ANKRD24: variants seen among roughly 807,000 people sequenced by gnomAD.
The protein encoded by ANKRD24 is ankyrin repeat domain-containing protein 24.
Under a neutral mutation model 127.8 loss-of-function variants are expected in ANKRD24, and 109 were observed. The observed-to-expected ratio is 0.85, with a 90% CI of 0.73 to 1.00. The LOEUF (loss-of-function observed/expected upper bound fraction) is 1.00. Ranked by LOEUF, ANKRD24 falls within the 50% of genes least tolerant of loss-of-function variation. The pLI, the probability that ANKRD24 is intolerant of heterozygous loss-of-function variation, is 0.00. For synonymous variants in ANKRD24, 743 were observed against 671.1 expected (o/e 1.11, Z -1.66); for missense variants, 1,648 against 1,570.2 (o/e 1.05, Z -0.84).
chr19:4,221,678 C>G (rs1970450629), intron 19 of ANKRD24, among the ~76,000 whole-genome samples: 1 of 152,204 alleles, frequency 6.6e-6, no homozygotes, highest in Non-Finnish European at 1.5e-5. Flanking sequence ...ATGACCCAGC[C>G]TCGACTCACT....
intron 7 of ANKRD24, among the ~76,000 whole-genome samples, chr19:4,203,491 C>T (rs897212425): frequency 5.9e-5 from 9 of 152,076 alleles, no homozygotes; most frequent in South Asian, 2.1e-4. Context: ...GGACCACAGG[C>T]GTGCACCACC....
At chr19:4,207,103 T>G (rs1324616634) in intron 7 of ANKRD24, 139 bp from the exon 8 acceptor site, 8 of 424,666 alleles carry the variant, frequency 1.9e-5, no homozygotes, top group African/African-American at 5.5e-5. Flanking sequence ...TTTTTTTTTT[T>G]GTAGAGACAG....
At chr19:4,190,523 G>A (rs541076196) in intron 2 of ANKRD24, among the ~76,000 whole-genome samples, 10 of 151,628 alleles carry the variant, frequency 6.6e-5, no homozygotes, top group Non-Finnish European at 1.5e-4. Context: ...TCAGGAGTTC[G>A]AGACCAGCCT....
At chr19:4,197,634 C>G (rs1249443930) in intron 2 of ANKRD24, among the ~76,000 whole-genome samples, 1 of 151,252 alleles carries the variant, frequency 6.6e-6, no homozygotes, top group Non-Finnish European at 1.5e-5. Flanking sequence ...AATGGGTGAA[C>G]GAATGAACGA....
chr19:4,211,638 CATCT>C (rs1219777783), intron 13 of ANKRD24, among the ~76,000 whole-genome samples: 1 of 151,874 alleles, frequency 6.6e-6, no homozygotes, highest in African/African-American at 2.4e-5. Context: ...AGCAAGACTC[CATCT>C]CAACAACAAC....
In ANKRD24 at chr19:4,199,713, T is replaced by C. The variant is rs1968975102; in HGVS notation, c.67T>C (p.Cys23Arg). ...GCTCAGCCCCACTGACCTTGGCTCC[T>C]GCCCGCCCTGCGGCCCCTGCCCCAT... ...LRLSPTDLGS[C>R]PPCGPCPIPK... Residue 23 changes from cysteine to arginine, a missense_variant, in exon 3 of 22, where the codon TGC (cysteine) becomes CGC (arginine). Physicochemically the swap from Cys to Arg is radical, Grantham distance 180 (BLOSUM62 -3). Transcript: ENST00000318934. This position sits in a 1 kb window ranked among gnomAD's most constrained non-coding sequence, Gnocchi z 5.2. The C allele has an allele frequency of 6.5e-7, 1 of 1,538,468 alleles. No individual in the cohort carries two copies.
At position 4,198,480 on chromosome 19, in the gene ANKRD24, G is replaced by C. The variant is rs1568320908; in HGVS notation, c.37-1203G>C. On this transcript the variant is annotated intron_variant, in intron 2 of 21. Transcript: ENST00000318934. The surrounding 1 kb of genome is among the most constrained non-coding windows in gnomAD (Gnocchi z 6.1). ...GAACCCCGTGCGCCCCCCGCGCCCC[G>C]CGCCCCGGACGCCATGAAGCAGCTG... The C allele has an allele frequency of 1.6e-6, 1 of 618,616 alleles. No homozygotes were observed. Among genetic ancestry groups the C allele is most frequent in the South Asian group, 1.7e-5 (1 of 58,518 alleles). The allele number at this position is 618,616 out of a possible 1,614,324, so 38.3% of individuals were successfully genotyped here. A position where few individuals can be genotyped will look rare whatever the true frequency, so the allele number is the denominator to read the frequency against.
intron 7 of ANKRD24, among the ~76,000 whole-genome samples, chr19:4,203,600 C>T (rs1191635728): frequency 3.3e-5 from 5 of 151,102 alleles, no homozygotes; most frequent in Admixed American, 6.6e-5. Context: ...CCTCCCACCT[C>T]GGCCACTCAA....
At chr19:4,223,385 ATATATATATATATATATT>A (rs1264683728) in intron 20 of ANKRD24, among the ~76,000 whole-genome samples, 6 of 78,294 alleles carry the variant, frequency 7.7e-5, no homozygotes, top group Admixed American at 2.7e-4. Flanking sequence ...ATATATATAT[ATATATATATATATATATT>A]TTTTTTTTTT....
chr19:4,208,053 G>T, intron 10 of ANKRD24, 85 bp downstream of exon 10: 1 of 1,344,476 alleles, frequency 7.4e-7, no homozygotes, highest in Non-Finnish European at 9.8e-7. Context: ...TAGTTTCAAG[G>T]TACCCCCGAT....
At chr19:4,185,582 G>A (rs1382288387) in intron 1 of ANKRD24, among the ~76,000 whole-genome samples, 4 of 152,306 alleles carry the variant, frequency 2.6e-5, no homozygotes, top group Admixed American at 1.3e-4. Flanking sequence ...CTGCCCATGC[G>A]GAACGTAGAA....
intron 20 of ANKRD24, among the ~76,000 whole-genome samples, chr19:4,223,374 T>TAC (rs1446585012): frequency 0.037 from 1,510 of 40,618 alleles, 70 homozygotes; most frequent in African/African-American, 0.097. Context: ...TGGCCATACA[T>TAC]ATATATATAT....
intron 18 of ANKRD24, 100 bp downstream of exon 18, chr19:4,218,263 A>C (rs1257076158): frequency 1.1e-6 from 1 of 913,986 alleles, no homozygotes; most frequent in East Asian, 3.3e-5. Context: ...CATCAGTTTT[A>C]CTTGAACAGA....
In ANKRD24 at chr19:4,210,315, C is replaced by T. The variant is rs761252056; in HGVS notation, c.1002C>T (p.Gly334=). Residue 334 remains glycine, a synonymous_variant, in exon 13 of 22, where the codon GGC becomes GGT. Coordinates refer to ENST00000318934, the MANE Select transcript of ANKRD24 (RefSeq NM_001393985.1). ...TCGTGAGGCTGCGGCAGGAGAGGGG[C>T]CGCCTCCTGCAGAAGATCCGGGGCC... is the stretch of plus-strand genomic sequence containing the variant. ...EEIVRLRQER[G]RLLQKIRGLE... is the part of the protein sequence containing the mutation. The T allele has an allele frequency of 1.9e-6, 3 of 1,583,266 alleles. No individual in the cohort carries two copies. Among genetic ancestry groups the T allele is most frequent in the Non-Finnish European group, 2.6e-6 (3 of 1,165,518 alleles).
chr19:4,212,859 G>A (rs1449522587), intron 15 of ANKRD24, among the ~76,000 whole-genome samples, 161 bp downstream of exon 15: 3 of 152,176 alleles, frequency 2.0e-5, no homozygotes, highest in African/African-American at 7.2e-5. Flanking sequence ...TTGGCTGGGT[G>A]CGAGGGCTTA....
chr19:4,186,532 A>C, intron 2 of ANKRD24, 71 bp downstream of exon 2: 1 of 1,516,556 alleles, frequency 6.6e-7, no homozygotes, highest in Non-Finnish European at 9.0e-7. Context: ...GGCTTGGCTG[A>C]AGATCCACCC....
At chr19:4,219,005 G>A (rs1457842442) in intron 18 of ANKRD24, among the ~76,000 whole-genome samples, 2 of 152,106 alleles carry the variant, frequency 1.3e-5, no homozygotes, top group Non-Finnish European at 2.9e-5. Flanking sequence ...TGAGCTCATG[G>A]CCGGGCACCG....
At chr19:4,211,436 C>T (rs1310858064) in intron 13 of ANKRD24, among the ~76,000 whole-genome samples, 2 of 151,506 alleles carry the variant, frequency 1.3e-5, no homozygotes, top group Non-Finnish European at 2.9e-5. Flanking sequence ...GTCAGGAGTT[C>T]GAGACCAGCC....
chr19:4,201,602 G>T (rs148438505), intron 5 of ANKRD24, among the ~76,000 whole-genome samples: 1 of 152,230 alleles, frequency 6.6e-6, no homozygotes, highest in East Asian at 1.9e-4. Context: ...GTACCTGATG[G>T]CCGGGCACCA....
Sources: allele counts gnomAD v4.1 joint callset (sites outside exome capture counted in the v4.1 genomes callset), GRCh38; gene constraint gnomAD v4.1.1; non-coding constraint Gnocchi (gnomAD v3.1); transcripts MANE v1.5; gene names NCBI Gene and HGNC (gene_info 2026-07-23, HGNC 2026-07-21).